SPIDR: variants seen among roughly 807,000 people sequenced by gnomAD.
The protein encoded by SPIDR is DNA repair-scaffolding protein.
A neutral mutation model predicts 104.6 loss-of-function variants in SPIDR; 93 were observed. That is an observed-to-expected ratio of 0.89 (90% CI 0.75 to 1.06). SPIDR has a LOEUF of 1.06. SPIDR is among the 50% of genes least tolerant of loss of function. SPIDR has a pLI of 0.00. For missense variants in SPIDR, 1,154 were observed against 1,111.2 expected, an observed-to-expected ratio of 1.04 and a Z score of -0.55; for synonymous variants, 431 against 416.9, an observed-to-expected ratio of 1.03 and a Z score of -0.41.
In SPIDR at chr8:47,702,022, ATCTC is replaced by A. The variant is rs754937569; in HGVS notation, c.1977+12_1977+15del. 2 of 1,597,324 alleles carry A rather than the reference ATCTC, an allele frequency of 1.3e-6. No individual in the cohort carries two copies. Among genetic ancestry groups the A allele is most frequent in the Non-Finnish European group, 1.7e-6 (2 of 1,172,528 alleles). On this transcript the variant is annotated splice_region_variant and intron_variant, in intron 14 of 19. Coordinates refer to ENST00000297423, the MANE Select transcript of SPIDR (RefSeq NM_001080394.4). ...GATTTACCAAAAACCACAGGTAATA[ATCTC>A]TCTCAATCTCTCAATCTCTCAGCCT...
At chr8:47,446,102 T>G (rs2070539343) in intron 8 of SPIDR, among the ~76,000 whole-genome samples, 2 of 152,208 alleles carry the variant, frequency 1.3e-5, no homozygotes, top group Admixed American at 6.5e-5. Context: ...AGCCTTATAT[T>G]TGAAGAAGAT....
intron 10 of SPIDR, among the ~76,000 whole-genome samples, chr8:47,644,903 T>G (rs114216150): frequency 6.6e-6 from 1 of 152,232 alleles, no homozygotes; most frequent in African/African-American, 2.4e-5. Context: ...AGACACACTT[T>G]CCATGCAAAG....
chr8:47,519,795 A>C (rs1191301481), intron 8 of SPIDR, among the ~76,000 whole-genome samples: 1 of 152,200 alleles, frequency 6.6e-6, no homozygotes, highest in Non-Finnish European at 1.5e-5. Flanking sequence ...AACAAACAAA[A>C]AAGATACTTT....
chr8:47,698,002 C>A (rs2079601040), intron 11 of SPIDR: 1 of 152,086 alleles, frequency 6.6e-6, no homozygotes, highest in Non-Finnish European at 1.5e-5. Context: ...AGATTAATGA[C>A]CTGAATTTGT....
intron 14 of SPIDR, among the ~76,000 whole-genome samples, chr8:47,708,230 C>A (rs1339951082): frequency 6.6e-6 from 1 of 152,246 alleles, no homozygotes; most frequent in African/African-American, 2.4e-5. Flanking sequence ...ACCTGGGAGA[C>A]AGAAGTTGCA....
At chr8:47,690,269 G>T (rs1377469338) in intron 11 of SPIDR, among the ~76,000 whole-genome samples, 2 of 151,646 alleles carry the variant, frequency 1.3e-5, no homozygotes, top group Non-Finnish European at 2.9e-5. Flanking sequence ...TTGAGAGAGT[G>T]TGTGGGGGGG....
At chr8:47,298,377 G>A (rs1253012612) in intron 5 of SPIDR, among the ~76,000 whole-genome samples, 2 of 152,072 alleles carry the variant, frequency 1.3e-5, no homozygotes, top group African/African-American at 4.8e-5. Flanking sequence ...TGAGTAGATT[G>A]CAAAAATTTT....
intron 7 of SPIDR, among the ~76,000 whole-genome samples, chr8:47,410,712 G>C (rs1357411739): frequency 1.3e-5 from 2 of 151,616 alleles, no homozygotes; most frequent in Non-Finnish European, 3.0e-5. Context: ...ACAACGTGCA[G>C]GTTTCTTACA....
intron 8 of SPIDR, among the ~76,000 whole-genome samples, chr8:47,591,200 G>GTT (rs201529175): frequency 9.1e-5 from 13 of 142,622 alleles, no homozygotes; most frequent in African/African-American, 2.3e-4. Flanking sequence ...TTGTTCTCTG[G>GTT]TTTTTTTTTT....
chr8:47,399,153 G>T (rs2061566839), intron 6 of SPIDR, among the ~76,000 whole-genome samples: 1 of 152,238 alleles, frequency 6.6e-6, no homozygotes, highest in Non-Finnish European at 1.5e-5. Flanking sequence ...ATTTCATCAT[G>T]TTTGTATGTT....
intron 8 of SPIDR, among the ~76,000 whole-genome samples, chr8:47,562,987 C>T (rs548811600): frequency 6.6e-6 from 1 of 151,010 alleles, no homozygotes; most frequent in South Asian, 2.1e-4. Context: ...ATATGCTTCC[C>T]AGTATTTAGA....
At chr8:47,585,551 C>G (rs2154415506) in intron 8 of SPIDR, among the ~76,000 whole-genome samples, 1 of 152,318 alleles carries the variant, frequency 6.6e-6, no homozygotes, top group African/African-American at 2.4e-5. Context: ...CTGGCAACCA[C>G]TGTCTTATTT....
At chr8:47,348,638 G>C (rs990397209) in intron 5 of SPIDR, among the ~76,000 whole-genome samples, 2 of 152,114 alleles carry the variant, frequency 1.3e-5, no homozygotes, top group Non-Finnish European at 2.9e-5. Context: ...ATATTTCTTG[G>C]AGGGTTTGTT....
At chr8:47,697,734 C>A (rs1176349803) in intron 11 of SPIDR, 2 of 152,716 alleles carry the variant, frequency 1.3e-5, no homozygotes, top group Non-Finnish European at 2.9e-5. Context: ...CTGCACCACC[C>A]CCCAGCCTTC....
At chr8:47,513,482 A>T (rs1236989329) in intron 8 of SPIDR, among the ~76,000 whole-genome samples, 1 of 152,214 alleles carries the variant, frequency 6.6e-6, no homozygotes, top group Non-Finnish European at 1.5e-5. Context: ...GTAGATTTGG[A>T]CTCATTTTGA....
At position 47,526,585 on chromosome 8, in the gene SPIDR, G is replaced by A. The variant is rs563558558; in HGVS notation, c.1098-69226G>A. On this transcript the variant is annotated intron_variant, in intron 8 of 19. Coordinates refer to ENST00000297423, the MANE Select transcript of SPIDR (RefSeq NM_001080394.4). Reference sequence around the variant, plus strand: ...GCATTCAGCTGCCTGGTGTTTAGAGGAACCAAATGTACAGAAATGAAACCG... The same window carrying A: ...GCATTCAGCTGCCTGGTGTTTAGAGAAACCAAATGTACAGAAATGAAACCG... Among the ~76,000 whole-genome samples the A allele has an allele frequency of 7.9e-5, 12 of 152,304 alleles. No homozygotes were observed. In the East Asian group the frequency reaches 2.3e-3, roughly 29 times the overall value.
rs1052377454 is a variant in SPIDR at position 47,735,812 on chromosome 8, T to C, written c.*362T>C. ...ATTTTACCATGATTGAACATGTTTT[T>C]ATTACAGTATTTAACATTCCCCCAA... On this transcript the variant is annotated 3_prime_UTR_variant, in exon 20 of 20. Coordinates refer to ENST00000297423, the MANE Select transcript of SPIDR (RefSeq NM_001080394.4). 1.6e-5 allele frequency: 7 copies of C among 430,050 alleles called. No homozygotes were observed. The highest frequency in any genetic ancestry group is 2.9e-5 in the Non-Finnish European group (7 of 237,780). 26.6% of individuals were successfully genotyped at this position (430,050 alleles called of 1,614,324 possible). A position where few individuals can be genotyped will look rare whatever the true frequency, so the allele number is the denominator to read the frequency against.
intron 10 of SPIDR, chr8:47,659,643 C>G (rs1416576119): frequency 4.5e-6 from 4 of 895,426 alleles, no homozygotes; most frequent in Non-Finnish European, 5.3e-6. Context: ...CGCCCTCGCT[C>G]TGGCCCTTCT....
chr8:47,338,402 C>A (rs546247715), intron 5 of SPIDR, among the ~76,000 whole-genome samples: 1 of 152,250 alleles, frequency 6.6e-6, no homozygotes, highest in South Asian at 2.1e-4. Context: ...GTATATATTA[C>A]AGTGGAAGAT....
Sources: gnomAD v4.1 joint callset for allele counts (sites outside exome capture counted in the v4.1 genomes callset) on GRCh38, gnomAD v4.1.1 for gene constraint, MANE v1.5 for transcripts, NCBI Gene and HGNC (gene_info 2026-07-23, HGNC 2026-07-21) for gene names.